Variants in PCNX2 observed in about 807,000 individuals in gnomAD.
PCNX2 encodes the protein pecanex-like protein 2.
Under a neutral mutation model 223.8 loss-of-function variants are expected in PCNX2, and 168 were observed. That is an observed-to-expected ratio of 0.75 (90% CI 0.66 to 0.85). The LOEUF is 0.85. Among genes scored for constraint, PCNX2 ranks in the 40% least tolerant of loss-of-function variants. PCNX2 has a pLI of 0.00. For synonymous variants in PCNX2, 1,006 were observed against 1,052.6 expected (o/e 0.96, Z 0.86); for missense variants, 2,507 against 2,675.5 (o/e 0.94, Z 1.39).
chr1:233,216,787 C>A lies in PCNX2; in HGVS notation c.2691+1112G>T, dbSNP rs574257288. Among the ~76,000 whole-genome samples the A allele has an allele frequency of 1.2e-4, 18 of 152,006 alleles. No homozygotes were observed. In the South Asian group the frequency reaches 3.7e-3, roughly 32 times the overall value. Reference sequence around the variant, plus strand: ...TCATTGCAACACTGTTCACAATAGCCAAGACATGGTATCAACCTAAATGTC... The same window carrying A: ...TCATTGCAACACTGTTCACAATAGCAAAGACATGGTATCAACCTAAATGTC... On this transcript the variant is annotated intron_variant, in intron 12 of 33. Coordinates refer to ENST00000258229, the MANE Select transcript of PCNX2 (RefSeq NM_014801.4).
chr1:233,228,879 C>A lies in PCNX2; in HGVS notation c.2359-1508G>T, dbSNP rs184776271. On this transcript the variant is annotated intron_variant, in intron 9 of 33. Coordinates refer to ENST00000258229, the MANE Select transcript of PCNX2 (RefSeq NM_014801.4). ...CGTATTTTTGTTTGGTTTTGCCTTGCACTTTTCCAACATGGATTTAAGGTT... is the reference window on the plus strand; with the variant it reads ...CGTATTTTTGTTTGGTTTTGCCTTGAACTTTTCCAACATGGATTTAAGGTT... 5.3e-5 allele frequency among the ~76,000 whole-genome samples: 8 copies of A among 152,294 alleles called. No homozygotes were observed. The East Asian group carries it at 1.5e-3, about 29-fold the overall frequency.
intron 17 of PCNX2, chr1:233,172,603 G>T: frequency 1.1e-6 from 1 of 941,030 alleles, no homozygotes; most frequent in Middle Eastern, 5.5e-4. Flanking sequence ...ACCCACCTGG[G>T]CTTCAATTCC....
chr1:233,210,295 G>A (rs1001974184), intron 12 of PCNX2, among the ~76,000 whole-genome samples: 6 of 151,136 alleles, frequency 4.0e-5, no homozygotes, highest in African/African-American at 1.5e-4. Context: ...CTTTTTTTTT[G>A]AGACCGAGTC....
intron 32 of PCNX2, among the ~76,000 whole-genome samples, chr1:232,995,708 C>G (rs1004501713): frequency 4.6e-5 from 7 of 152,012 alleles, no homozygotes; most frequent in Non-Finnish European, 1.0e-4. Context: ...AGATCCTGCT[C>G]TGACATCTTC....
At chr1:233,044,081 C>CT (rs1671742411) in intron 25 of PCNX2, among the ~76,000 whole-genome samples, 3 of 151,898 alleles carry the variant, frequency 2.0e-5, no homozygotes, top group African/African-American at 4.8e-5. Flanking sequence ...TGTTTCCTGA[C>CT]TTTTTAATGA....
intron 21 of PCNX2, among the ~76,000 whole-genome samples, chr1:233,117,741 T>G (rs1378222389): frequency 1.3e-5 from 2 of 151,652 alleles, no homozygotes; most frequent in South Asian, 2.1e-4. Flanking sequence ...CCAGGCGCGG[T>G]GGCTCACGCC....
chr1:233,113,168 T>C (rs141768042), intron 21 of PCNX2, among the ~76,000 whole-genome samples: 35 of 152,282 alleles, frequency 2.3e-4, no homozygotes, highest in South Asian at 1.5e-3. Context: ...TAGAAGCAGA[T>C]TGTGGTTTAT....
At chr1:233,117,965 C>A (rs1368908926) in intron 21 of PCNX2, among the ~76,000 whole-genome samples, 3 of 148,818 alleles carry the variant, frequency 2.0e-5, no homozygotes, top group Non-Finnish European at 4.5e-5. Flanking sequence ...AGCCGAGATC[C>A]CGCCACTGCA....
At chr1:233,169,915 C>G (rs990165679) in intron 17 of PCNX2, among the ~76,000 whole-genome samples, 2 of 151,518 alleles carry the variant, frequency 1.3e-5, no homozygotes, top group Non-Finnish European at 2.9e-5. Context: ...CTTAGGTATG[C>G]AACTGTAAGC....
intron 9 of PCNX2, chr1:233,231,596 T>G: frequency 1.1e-6 from 1 of 948,858 alleles, no homozygotes; most frequent in African/African-American, 1.8e-5. Flanking sequence ...GTTCTCAGCT[T>G]CTCAGAACGT....
intron 32 of PCNX2, among the ~76,000 whole-genome samples, chr1:232,992,057 A>T (rs774087181): frequency 2.6e-5 from 4 of 152,242 alleles, no homozygotes; most frequent in Non-Finnish European, 5.9e-5. Context: ...ACCAGGGAGA[A>T]AAAGCAAGAG....
intron 20 of PCNX2, among the ~76,000 whole-genome samples, chr1:233,137,333 G>A (rs376495222): frequency 6.6e-6 from 1 of 152,144 alleles, no homozygotes; most frequent in Admixed American, 6.5e-5. Flanking sequence ...GCGATGGGAG[G>A]CATCCTGTCC....
At chr1:233,252,924 A>G in intron 5 of PCNX2, 136 bp from the exon 6 acceptor site, 1 of 917,036 alleles carries the variant, frequency 1.1e-6, no homozygotes, top group Non-Finnish European at 1.6e-6. Context: ...AGGCTTTTAA[A>G]TAATTTTTCA....
In PCNX2 at chr1:233,158,366, T is replaced by TAGGTATAGGTACAGGTAA. The variant is rs1335777315; in HGVS notation, c.3517+1916_3517+1917insTTACCTGTACCTATACCT. Among the ~76,000 whole-genome samples the TAGGTATAGGTACAGGTAA allele has an allele frequency of 9.8e-4, 149 of 152,258 alleles. 3 individuals are homozygous for TAGGTATAGGTACAGGTAA. In the South Asian group the frequency reaches 0.03, roughly 31 times the overall value. ...TGTACATTTAACAGGGGCATAGGCA[T>TAGGTATAGGTACAGGTAA]AGTTTAAGAATAGGTATAGGGAAAG... On this transcript the variant is annotated intron_variant, in intron 19 of 33. Transcript: ENST00000258229.
intron 28 of PCNX2, among the ~76,000 whole-genome samples, chr1:233,007,551 T>C (rs1004505385): frequency 2.0e-5 from 3 of 152,168 alleles, no homozygotes; most frequent in African/African-American, 7.2e-5. Context: ...TTTATTTATT[T>C]TTTTGAGACG....
At chr1:233,179,609 C>G (rs1013862385) in intron 15 of PCNX2, among the ~76,000 whole-genome samples, 3 of 151,980 alleles carry the variant, frequency 2.0e-5, no homozygotes, top group African/African-American at 7.3e-5. Flanking sequence ...AACTGAAAAC[C>G]TGATAAAGAT....
chr1:233,091,849 T>C (rs997270783), intron 22 of PCNX2, among the ~76,000 whole-genome samples: 2 of 151,370 alleles, frequency 1.3e-5, no homozygotes, highest in East Asian at 1.9e-4. Context: ...CCATTAATAA[T>C]CCATTCCAAT....
Position 233,235,260 on chromosome 1 carries a change from C to T in PCNX2, c.2358+1585G>A, listed in dbSNP as rs149047513. Among the ~76,000 whole-genome samples the T allele has an allele frequency of 3.0e-4, 45 of 152,272 alleles. 1 individual carries two copies. In the East Asian group the frequency reaches 8.3e-3, roughly 28 times the overall value. On this transcript the variant is annotated intron_variant, in intron 9 of 33. Transcript: ENST00000258229. ...ACTTGTTCACACACAAACTCCAAGA[C>T]TGAAAGGGCTGAGTTACCCTAATTA...
intron 1 of PCNX2, among the ~76,000 whole-genome samples, chr1:233,269,934 A>G (rs775544162): frequency 1.3e-5 from 2 of 152,208 alleles, no homozygotes; most frequent in African/African-American, 2.4e-5. Flanking sequence ...GGTTCATCCA[A>G]AAAGATAGAA....
Sources: allele counts gnomAD v4.1 joint callset (sites outside exome capture counted in the v4.1 genomes callset), GRCh38; gene constraint gnomAD v4.1.1; transcripts MANE v1.5; gene names NCBI Gene and HGNC (gene_info 2026-07-23, HGNC 2026-07-21).